Variants in AGPAT5 observed in about 807,000 individuals in gnomAD.
AGPAT5 encodes the protein 1-acyl-sn-glycerol-3-phosphate acyltransferase epsilon.
Under a neutral mutation model 45.6 loss-of-function variants are expected in AGPAT5, and 46 were observed. The ratio of observed to expected loss-of-function variants is 1.01; its 90% CI spans 0.80 to 1.29. The LOEUF is 1.29. Ranked by LOEUF, AGPAT5 falls within the 50% of genes most tolerant of loss-of-function variation. AGPAT5 has a pLI of 0.00. For missense variants in AGPAT5, 673 were observed against 450.7 expected, an observed-to-expected ratio of 1.49 and a Z score of -4.47; for synonymous variants, 272 against 167.0, an observed-to-expected ratio of 1.63 and a Z score of -4.85.
intron 4 of AGPAT5, among the ~76,000 whole-genome samples, chr8:6,733,445 C>T (rs148655612): frequency 6.6e-6 from 1 of 152,300 alleles, no homozygotes; most frequent in Non-Finnish European, 1.5e-5. Context: ...CTGGTGTGAG[C>T]ATTGTTTATT....
chr8:6,724,863 C>A lies in AGPAT5; in HGVS notation c.220-7C>A. 3 of 931,804 alleles carry A rather than the reference C, an allele frequency of 3.2e-6. No individual in the cohort carries two copies. Among genetic ancestry groups the A allele is most frequent in the East Asian group, 3.1e-5 (1 of 32,080 alleles). The allele number at this position is 931,804 out of a possible 1,614,324, so 57.7% of individuals were successfully genotyped here. ...TCAAAGTAATGTTTTTTTGTTTTAT[C>A]TTTTAGATATTGCTATATGGAGATT... On this transcript the variant is annotated splice_region_variant and splice_polypyrimidine_tract_variant and intron_variant, in intron 1 of 7. Transcript: ENST00000285518.
intron 1 of AGPAT5, among the ~76,000 whole-genome samples, chr8:6,710,465 TA>T (rs1342108909): frequency 6.6e-6 from 1 of 152,250 alleles, no homozygotes; most frequent in East Asian, 1.9e-4. Context: ...AAATTTTGTT[TA>T]ATGTGTGTTC....
chr8:6,732,518 A>C, intron 3 of AGPAT5, 43 bp from the exon 4 acceptor site: 1 of 1,530,372 alleles, frequency 6.5e-7, no homozygotes, highest in Admixed American at 2.2e-5. Context: ...GCCAATTGTT[A>C]TTTTAAAAGT....
At chr8:6,725,768 G>A (rs1292848909) in intron 2 of AGPAT5, among the ~76,000 whole-genome samples, 1 of 152,076 alleles carries the variant, frequency 6.6e-6, no homozygotes, top group Non-Finnish European at 1.5e-5. Flanking sequence ...ATACCTAGAA[G>A]CTCAAAGCTG....
intron 1 of AGPAT5, among the ~76,000 whole-genome samples, chr8:6,717,344 C>T (rs978391717): frequency 2.6e-5 from 4 of 152,138 alleles, no homozygotes; most frequent in African/African-American, 7.2e-5. Context: ...GCTCCTCCAG[C>T]TTGGCATGAG....
intron 3 of AGPAT5, among the ~76,000 whole-genome samples, 168 bp from the exon 4 acceptor site, chr8:6,732,393 C>T (rs1205484616): frequency 6.6e-6 from 1 of 152,234 alleles, no homozygotes; most frequent in African/African-American, 2.4e-5. Flanking sequence ...AGGCAATTTT[C>T]AGCTAAATGT....
chr8:6,752,803 T>G (rs1801701762), intron 6 of AGPAT5, among the ~76,000 whole-genome samples: 2 of 152,242 alleles, frequency 1.3e-5, no homozygotes, highest in African/African-American at 2.4e-5. Flanking sequence ...TGTGGATATA[T>G]AAGTACTTTA....
chr8:6,727,959 G>A (rs1416876957), intron 2 of AGPAT5, among the ~76,000 whole-genome samples: 5 of 152,298 alleles, frequency 3.3e-5, no homozygotes, highest in East Asian at 1.9e-4. Flanking sequence ...TCCTGGTAGC[G>A]TACCTGGCTC....
intron 1 of AGPAT5, among the ~76,000 whole-genome samples, chr8:6,719,711 C>A (rs1027468348): frequency 2.6e-5 from 4 of 152,170 alleles, no homozygotes; most frequent in African/African-American, 9.7e-5. Flanking sequence ...GAACCAAATT[C>A]ATTATTTACA....
At chr8:6,744,590 C>T (rs1333841234) in intron 5 of AGPAT5, among the ~76,000 whole-genome samples, 1 of 152,112 alleles carries the variant, frequency 6.6e-6, no homozygotes, top group African/African-American at 2.4e-5. Flanking sequence ...GGATCCTGTG[C>T]TTGGTTCGAG....
chr8:6,737,946 G>A (rs1360667969), intron 4 of AGPAT5, among the ~76,000 whole-genome samples: 1 of 152,182 alleles, frequency 6.6e-6, no homozygotes, highest in Non-Finnish European at 1.5e-5. Context: ...AGAATTAAAG[G>A]GAGTTAGGGC....
intron 6 of AGPAT5, 50 bp from the exon 7 acceptor site, chr8:6,755,001 C>T: frequency 1.4e-6 from 2 of 1,440,882 alleles, no homozygotes; most frequent in Non-Finnish European, 9.3e-7. Flanking sequence ...TTTATATGAC[C>T]ATGAGTTCTA....
In AGPAT5 at chr8:6,760,750, A is replaced by G. The variant is rs1246586415; in HGVS notation, c.*3362A>G. Among the ~76,000 whole-genome samples, 1 of 152,204 alleles carries G rather than the reference A, an allele frequency of 6.6e-6. No individual in the cohort carries two copies. Among genetic ancestry groups the G allele is most frequent in the Non-Finnish European group, 1.5e-5 (1 of 68,036 alleles). On this transcript the variant is annotated 3_prime_UTR_variant, in exon 8 of 8. Coordinates refer to ENST00000285518, the MANE Select transcript of AGPAT5 (RefSeq NM_018361.5). ...AGTAACTCACACTTTTTGATTAAAG[A>G]ACTTGAAATTACGTTATCACTTAGT...
chr8:6,755,333 A>G (rs1346212919), intron 7 of AGPAT5, among the ~76,000 whole-genome samples, 159 bp downstream of exon 7: 9 of 152,242 alleles, frequency 5.9e-5, no homozygotes, highest in Non-Finnish European at 1.0e-4. Flanking sequence ...TTTAAACTTT[A>G]CTTGTACAAA....
chr8:6,723,492 A>G (rs1485667905), intron 1 of AGPAT5, among the ~76,000 whole-genome samples: 2 of 141,880 alleles, frequency 1.4e-5, no homozygotes, highest in Non-Finnish European at 3.1e-5. Flanking sequence ...AAGCACTGGG[A>G]TTGCAGGCAT....
intron 4 of AGPAT5, among the ~76,000 whole-genome samples, chr8:6,736,837 C>A (rs575038941): frequency 2.6e-5 from 4 of 152,236 alleles, no homozygotes; most frequent in Admixed American, 2.6e-4. Context: ...GTGTTTCGTT[C>A]ACTTGTCTGA....
At chr8:6,737,246 C>A (rs1424446810) in intron 4 of AGPAT5, among the ~76,000 whole-genome samples, 1 of 152,190 alleles carries the variant, frequency 6.6e-6, no homozygotes, top group African/African-American at 2.4e-5. Context: ...ATGGTTGTTT[C>A]ATTTCTTAAT....
intron 4 of AGPAT5, among the ~76,000 whole-genome samples, chr8:6,736,783 C>T (rs1013334877): frequency 1.4e-4 from 21 of 152,264 alleles, no homozygotes; most frequent in African/African-American, 4.6e-4. Context: ...CACGTGAGAC[C>T]TGCTCACCTC....
chr8:6,722,859 A>G (rs1005151013), intron 1 of AGPAT5, among the ~76,000 whole-genome samples: 10 of 151,864 alleles, frequency 6.6e-5, no homozygotes, highest in Non-Finnish European at 1.0e-4. Context: ...ATGTCTGATG[A>G]GTTCTTAAAA....
Sources: gnomAD v4.1 joint callset for allele counts (sites outside exome capture counted in the v4.1 genomes callset) on GRCh38, gnomAD v4.1.1 for gene constraint, MANE v1.5 for transcripts, NCBI Gene and HGNC (gene_info 2026-07-23, HGNC 2026-07-21) for gene names.